The following ZXDC variants were observed in gnomAD, a reference collection of about 807,000 sequenced individuals.
ZXDC encodes zinc finger protein ZXDC.
Under a neutral mutation model 63.6 loss-of-function variants are expected in ZXDC, and 58 were observed. The observed-to-expected ratio is 0.91, with a 90% CI of 0.74 to 1.13. The LOEUF is 1.13. ZXDC is among the 50% of genes most tolerant of loss of function. The pLI, the probability that ZXDC is intolerant of heterozygous loss-of-function variation, is 0.00. For synonymous variants in ZXDC, 561 were observed against 496.1 expected, an observed-to-expected ratio of 1.13 and a Z score of -1.74; for missense variants, 1,133 against 1,148.9, an observed-to-expected ratio of 0.99 and a Z score of 0.20.
intron 7 of ZXDC, chr3:126,459,178 G>GT (rs1211039144): frequency 3.0e-6 from 3 of 985,334 alleles, no homozygotes; most frequent in South Asian, 4.7e-5. Flanking sequence ...AAAAATGCAA[G>GT]TAAGTTGCTA....
At chr3:126,462,241 C>T (rs1333844487) in intron 5 of ZXDC, 21 bp from the exon 6 acceptor site, 1 of 1,568,214 alleles carries the variant, frequency 6.4e-7, no homozygotes. Context: ...AAGGAATACA[C>T]TCTGGTTACT....
chr3:126,472,327 C>G (rs777813957), intron 1 of ZXDC, 22 bp from the exon 2 acceptor site: 2 of 1,595,840 alleles, frequency 1.3e-6, no homozygotes, highest in Non-Finnish European at 1.7e-6. Flanking sequence ...AAACACAAAC[C>G]CTGCTCAAAG....
chr3:126,445,478 T>G (rs1430795739), intron 7 of ZXDC, among the ~76,000 whole-genome samples: 4 of 151,928 alleles, frequency 2.6e-5, no homozygotes, highest in African/African-American at 9.7e-5. Context: ...GAAACCAGTA[T>G]TTGGAACTGC....
At chr3:126,458,903 A>C (rs754662636) in intron 7 of ZXDC, 6 of 985,356 alleles carry the variant, frequency 6.1e-6, no homozygotes, top group Non-Finnish European at 6.0e-6. Context: ...AAAACTGATT[A>C]ACAGAAAACC....
chr3:126,451,880 C>T, intron 7 of ZXDC: 2 of 985,148 alleles, frequency 2.0e-6, no homozygotes, highest in Non-Finnish European at 2.4e-6. Flanking sequence ...CAGGTCTCCA[C>T]CTCATAGGGT....
At chr3:126,460,874 C>T in intron 6 of ZXDC, 1 of 985,410 alleles carries the variant, frequency 1.0e-6, no homozygotes, top group Non-Finnish European at 1.2e-6. Flanking sequence ...ATGTCACCAT[C>T]AAATTTAGCC....
intron 7 of ZXDC, chr3:126,450,580 G>A (rs1172818147): frequency 4.4e-6 from 2 of 456,214 alleles, no homozygotes; most frequent in East Asian, 7.0e-5. Flanking sequence ...ATAAATGGGG[G>A]TGCACCTCCG....
intron 8 of ZXDC, 144 bp from the exon 9 acceptor site, chr3:126,439,871 G>A: frequency 7.0e-7 from 1 of 1,437,878 alleles, no homozygotes; most frequent in Non-Finnish European, 9.1e-7. Context: ...CGAGGACCCA[G>A]CAGGAATTGT....
intron 7 of ZXDC, among the ~76,000 whole-genome samples, chr3:126,456,784 T>A (rs796583): frequency 1.3e-4 from 20 of 152,332 alleles, no homozygotes; most frequent in African/African-American, 4.8e-4. Flanking sequence ...AAGCCCCACA[T>A]ACAGTCTCAA....
At chr3:126,452,744 C>T (rs373795078) in intron 7 of ZXDC, among the ~76,000 whole-genome samples, 200 of 143,240 alleles carry the variant, frequency 1.4e-3, no homozygotes, top group African/African-American at 4.2e-3. Context: ...TGCAGTTTTT[C>T]TTTTTTTTTT....
intron 7 of ZXDC, chr3:126,450,356 A>C (rs1019175240): frequency 2.2e-6 from 1 of 456,602 alleles, no homozygotes; most frequent in Non-Finnish European, 4.4e-6. Flanking sequence ...GCAAGTCTGC[A>C]ATCTGCTTTC....
chr3:126,451,103 G>A (rs756936783), intron 7 of ZXDC: 81 of 985,178 alleles, frequency 8.2e-5, no homozygotes, highest in Non-Finnish European at 9.6e-5. Context: ...AGGAGGAACA[G>A]TGCTCTATTG....
intron 9 of ZXDC, 134 bp downstream of exon 9, chr3:126,439,498 T>C: frequency 5.5e-6 from 8 of 1,467,636 alleles, no homozygotes; most frequent in Admixed American, 4.1e-5. Flanking sequence ...CAAGACATCC[T>C]GGCAACCAAC....
In ZXDC at chr3:126,461,676, C is replaced by T; in HGVS notation, c.1986G>A (p.Glu662=). The T allele has an allele frequency of 6.2e-7, 1 of 1,613,604 alleles. No homozygotes were observed. Among genetic ancestry groups the T allele is most frequent in the African/African-American group, 1.3e-5 (1 of 74,838 alleles). ...VPELLAPIKV[E]PDSPSRPGAV... ...CTCCTGGGCGAGAAGGCGAGTCCGG[C>T]TCCACCTTGATTGGAGCCAGCAGTT... Residue 662 remains glutamate, a synonymous_variant, in exon 6 of 10, where the codon GAG becomes GAA. Transcript: ENST00000389709.
intron 7 of ZXDC, chr3:126,452,256 T>C: frequency 1.0e-6 from 1 of 985,478 alleles, no homozygotes; most frequent in African/African-American, 1.7e-5. Flanking sequence ...TCCGTTTTCT[T>C]AGACGTTCTT....
At chr3:126,469,752 G>A (rs921471242) in intron 4 of ZXDC, among the ~76,000 whole-genome samples, 1 of 152,166 alleles carries the variant, frequency 6.6e-6, no homozygotes, top group Non-Finnish European at 1.5e-5. Context: ...TTCTCACCCC[G>A]GTCTGGGGAA....
chr3:126,469,072 T>G (rs1038040914), intron 4 of ZXDC, among the ~76,000 whole-genome samples: 1 of 152,198 alleles, frequency 6.6e-6, no homozygotes, highest in Non-Finnish European at 1.5e-5. Flanking sequence ...GAGGTTTTAT[T>G]CACTTTACAG....
In ZXDC at chr3:126,475,309, A is replaced by G. The variant is rs1396793702; in HGVS notation, c.557T>C (p.Phe186Ser). ...CACCTTGAGCTGGTGCTTCTTGGCG[A>G]AGGCCAGCGCGCACTGCGGCTCGGG... ...RCPEPQCALA[F>S]AKKHQLKVHL... The change falls in exon 1 of 10, where the codon TTC becomes TCC. Residue 186 changes from phenylalanine to serine, a missense_variant. By Grantham distance (155) the Phe-to-Ser change is radical. Transcript: ENST00000389709. 8 of 1,548,128 alleles carry G rather than the reference A, an allele frequency of 5.2e-6. No homozygotes were observed. Among genetic ancestry groups the G allele is most frequent in the African/African-American group, 1.4e-5 (1 of 72,926 alleles).
At chr3:126,441,646 G>GGGCA (rs1374279792) in intron 8 of ZXDC, 119 bp downstream of exon 8, 283 of 1,428,830 alleles carry the variant, frequency 2.0e-4, no homozygotes, top group Non-Finnish European at 2.4e-4. Flanking sequence ...GATGCACGAG[G>GGGCA]GGCAGGCAGG....
Sources: allele counts gnomAD v4.1 joint callset (sites outside exome capture counted in the v4.1 genomes callset), GRCh38; gene constraint gnomAD v4.1.1; transcripts MANE v1.5; gene names NCBI Gene and HGNC (gene_info 2026-07-23, HGNC 2026-07-21).